Variants in CLCA2 observed in about 807,000 individuals in gnomAD.
CLCA2 encodes the protein calcium-activated chloride channel regulator 2.
In CLCA2, 85 loss-of-function variants were observed where a neutral mutation model predicts 82.9. That is an observed-to-expected ratio of 1.03 (90% CI 0.86 to 1.23). CLCA2 has a LOEUF of 1.23. Ranked by LOEUF, CLCA2 falls within the 50% of genes most tolerant of loss-of-function variation. The pLI is 0.00. For missense variants in CLCA2, 1,089 were observed against 1,124.8 expected, an observed-to-expected ratio of 0.97 and a Z score of 0.45; for synonymous variants, 421 against 391.7, an observed-to-expected ratio of 1.07 and a Z score of -0.88.
intron 2 of CLCA2, 100 bp from the exon 3 acceptor site, chr1:86,428,318 C>T (rs1029974944): frequency 1.8e-6 from 2 of 1,102,904 alleles, no homozygotes; most frequent in Non-Finnish European, 1.2e-6. Context: ...AAAATGCACA[C>T]ATCTTAAGTG....
chr1:86,425,521 A>AT (rs1354270834), intron 2 of CLCA2, 45 bp downstream of exon 2: 2 of 1,440,198 alleles, frequency 1.4e-6, no homozygotes, highest in African/African-American at 2.9e-5. Flanking sequence ...GGGAAAAAAA[A>AT]CACCAAAATA....
At chr1:86,427,729 A>C (rs2101689323) in intron 2 of CLCA2, among the ~76,000 whole-genome samples, 1 of 152,272 alleles carries the variant, frequency 6.6e-6, no homozygotes, top group East Asian at 1.9e-4. Context: ...CCCAAAAATA[A>C]AAGAAACAAT....
chr1:86,426,548 G>C (rs918943830), intron 2 of CLCA2, among the ~76,000 whole-genome samples: 1 of 152,140 alleles, frequency 6.6e-6, no homozygotes, highest in Non-Finnish European at 1.5e-5. Flanking sequence ...TAGGATAGGT[G>C]GGGGAACTGG....
intron 6 of CLCA2, among the ~76,000 whole-genome samples, chr1:86,437,007 C>G (rs1238828276): frequency 6.6e-6 from 1 of 152,214 alleles, no homozygotes; most frequent in South Asian, 2.1e-4. Flanking sequence ...AGCCAACATT[C>G]CCAGTGGCAT....
At position 86,455,321 on chromosome 1, in the gene CLCA2, T is replaced by TCTG; in HGVS notation, c.2630_2632dup (p.Ala877dup). Reference sequence around the variant, plus strand: ...AGCAATGGATAGGAACTCCTTACAGTCTGCTGTATCTAACATTGCCCAGGC... The same window carrying TCTG: ...AGCAATGGATAGGAACTCCTTACAGTCTGCTGCTGTATCTAACATTGCCCAGGC... On this transcript the variant is annotated inframe_insertion, in exon 14 of 14. Transcript: ENST00000370565. The TCTG allele has an allele frequency of 6.2e-7, 1 of 1,613,804 alleles. No homozygotes were observed.
At chr1:86,451,044 C>T (rs889089455) in intron 12 of CLCA2, among the ~76,000 whole-genome samples, 2 of 152,096 alleles carry the variant, frequency 1.3e-5, no homozygotes, top group Admixed American at 1.3e-4. Flanking sequence ...TCAGTTCCTG[C>T]TTCCGTGTTT....
chr1:86,446,264 G>T (rs1166981655), intron 10 of CLCA2, among the ~76,000 whole-genome samples: 1 of 145,752 alleles, frequency 6.9e-6, no homozygotes, highest in Non-Finnish European at 1.5e-5. Context: ...CTGTCACCAG[G>T]CCCAAGTGGT....
At chr1:86,445,827 C>A (rs1008592403) in intron 10 of CLCA2, among the ~76,000 whole-genome samples, 1 of 152,084 alleles carries the variant, frequency 6.6e-6, no homozygotes, top group Non-Finnish European at 1.5e-5. Context: ...CCCTCACAGA[C>A]GATTAATAGC....
intron 5 of CLCA2, among the ~76,000 whole-genome samples, chr1:86,433,905 C>T (rs1023065331): frequency 2.6e-5 from 4 of 151,854 alleles, no homozygotes; most frequent in Admixed American, 2.0e-4. Flanking sequence ...GCAATGCAAA[C>T]CATATTTTTA....
At position 86,428,434 on chromosome 1, in the gene CLCA2, C is replaced by T; in HGVS notation, c.341C>T (p.Thr114Ile). Residue 114 changes from threonine to isoleucine, a missense_variant, in exon 3 of 14, where the codon ACT (threonine) becomes ATT (isoleucine). Physicochemically the swap from Thr to Ile is moderately conservative, Grantham distance 89. Coordinates refer to ENST00000370565, the MANE Select transcript of CLCA2 (RefSeq NM_006536.7). ...TTAATTTAGGCAAATGTCATAGTGA[C>T]TGACTGGTATGGGGCACATGGAGAT... ...ESYEKANVIV[T>I]DWYGAHGDDP... The T allele has an allele frequency of 6.2e-7, 1 of 1,600,926 alleles. No individual in the cohort carries two copies. Among genetic ancestry groups the T allele is most frequent in the Non-Finnish European group, 8.5e-7 (1 of 1,174,068 alleles).
intron 11 of CLCA2, 101 bp downstream of exon 11, chr1:86,447,879 C>A: frequency 8.0e-7 from 1 of 1,248,780 alleles, no homozygotes; most frequent in Non-Finnish European, 1.1e-6. Context: ...TCCTTGAGTT[C>A]AATTTTTTTT....
At chr1:86,437,908 A>T (rs945826718) in intron 6 of CLCA2, among the ~76,000 whole-genome samples, 1 of 151,820 alleles carries the variant, frequency 6.6e-6, no homozygotes, top group Admixed American at 6.6e-5. Flanking sequence ...AAAAAAAAAA[A>T]GTAATTTTAC....
rs138032692 is a variant in CLCA2, at chr1:86,447,694, C to T, written c.1900C>T (p.Pro634Ser). The T allele has an allele frequency of 3.8e-4, 611 of 1,613,998 alleles. No individual in the cohort carries two copies. The highest frequency in any genetic ancestry group is 4.6e-4 in the Non-Finnish European group (547 of 1,180,012). ...TGCCAATGTGAAACAGGGATTTTAT[C>T]CCATTCTTAATGCCACTGTCACTGC... ...IYANVKQGFYPILNATVTATV... is the reference protein window; with the variant it reads ...IYANVKQGFYSILNATVTATV... The change falls in exon 11 of 14, where the codon CCC becomes TCC. Residue 634 changes from proline to serine, a missense_variant. By Grantham distance (74) the Pro-to-Ser change is moderately conservative. Transcript: ENST00000370565.
intron 5 of CLCA2, 23 bp from the exon 6 acceptor site, chr1:86,434,495 T>C (rs376309546): frequency 1.4e-5 from 22 of 1,598,472 alleles, no homozygotes; most frequent in Non-Finnish European, 1.9e-5. Context: ...CCTCTCTTTA[T>C]TAAAGACTGT....
At chr1:86,440,627 G>A (rs571347892) in intron 8 of CLCA2, among the ~76,000 whole-genome samples, 13 of 152,212 alleles carry the variant, frequency 8.5e-5, no homozygotes, top group South Asian at 2.1e-4. Flanking sequence ...GTGGGCGGGC[G>A]CGGTGGCTCA....
In CLCA2 at chr1:86,444,432, ATGCCATGG is replaced by A. The variant is rs1197952531; in HGVS notation, c.1713+423_1713+430del. ...TTTGTTCCAGGTACTTTACAATAAA[ATGCCATGG>A]TAAGAGCATGAACAGGGTACTATCA... On this transcript the variant is annotated intron_variant, in intron 10 of 13. Coordinates refer to ENST00000370565, the MANE Select transcript of CLCA2 (RefSeq NM_006536.7). Among the ~76,000 whole-genome samples the A allele has an allele frequency of 3.9e-5, 6 of 152,302 alleles. No homozygotes were observed. In the East Asian group the frequency reaches 1.2e-3, roughly 29 times the overall value.
At position 86,437,168 on chromosome 1, in the gene CLCA2, G is replaced by A. The variant is rs1381878201; in HGVS notation, c.973-1708G>A. ...ATAAGCCCAAAGTAACAAACTCATG[G>A]CAAACCAAACTTTCCTCCCTTTTCC... On this transcript the variant is annotated intron_variant, in intron 6 of 13. Transcript: ENST00000370565. Among the ~76,000 whole-genome samples the A allele has an allele frequency of 2.6e-5, 4 of 152,172 alleles. No homozygotes were observed. In the East Asian group the frequency reaches 7.7e-4, roughly 29 times the overall value.
At position 86,425,456 on chromosome 1, in the gene CLCA2, A is replaced by C; in HGVS notation, c.304A>C (p.Lys102Gln). Residue 102 changes from lysine to glutamine, a missense_variant, in exon 2 of 14, where the codon AAA (lysine) becomes CAA (glutamine). Transcript: ENST00000370565. ...GAAAGCTAATAATAACAGCAAAATA[A>C]AACAAGAATCATATGAAAAGGTAAG... ...TWKANNNSKI[K>Q]QESYEKANVI... 1 of 1,552,132 alleles carries C rather than the reference A, an allele frequency of 6.4e-7. No homozygotes were observed. Among genetic ancestry groups the C allele is most frequent in the South Asian group, 1.3e-5 (1 of 78,964 alleles).
intron 10 of CLCA2, among the ~76,000 whole-genome samples, chr1:86,444,521 G>T (rs1387535165): frequency 3.3e-5 from 5 of 152,110 alleles, no homozygotes; most frequent in Non-Finnish European, 7.3e-5. Context: ...ACATCAAAAT[G>T]GAAATATAAG....
Sources: gnomAD v4.1 joint callset for allele counts (sites outside exome capture counted in the v4.1 genomes callset) on GRCh38, gnomAD v4.1.1 for gene constraint, MANE v1.5 for transcripts, NCBI Gene and HGNC (gene_info 2026-07-23, HGNC 2026-07-21) for gene names.